The following PTPN4 variants were observed in gnomAD, a reference collection of about 807,000 sequenced individuals.
PTPN4 encodes the protein tyrosine-protein phosphatase non-receptor type 4.
In PTPN4, 49 loss-of-function variants were observed where a neutral mutation model predicts 135.5. That is an observed-to-expected ratio of 0.36 (90% CI 0.29 to 0.46). The LOEUF (loss-of-function observed/expected upper bound fraction) is 0.46. Among genes scored for constraint, PTPN4 ranks in the 20% least tolerant of loss-of-function variants. The probability of loss-of-function intolerance (pLI) is 1.00; values close to 1 mark genes in which losing one functional copy is unlikely to be tolerated. For missense variants in PTPN4, 860 were observed against 1,101.0 expected (o/e 0.78, Z 3.10); for synonymous variants, 333 against 369.9 (o/e 0.90, Z 1.14).
chr2:119,976,856 C>A (rs1679625083), intron 26 of PTPN4, 128 bp from the exon 27 acceptor site: 1 of 1,454,466 alleles, frequency 6.9e-7, no homozygotes, highest in Non-Finnish European at 9.1e-7. Flanking sequence ...AAAATGGTAT[C>A]TTTATGCAGT....
chr2:119,965,783 C>A (rs2105061796), intron 25 of PTPN4, 138 bp downstream of exon 25: 1 of 984,354 alleles, frequency 1.0e-6, no homozygotes, highest in Non-Finnish European at 1.5e-6. Context: ...AGGTAGGAGG[C>A]AAAGGATATG....
chr2:119,885,685 G>A, intron 8 of PTPN4, 110 bp from the exon 9 acceptor site: 1 of 692,992 alleles, frequency 1.4e-6, no homozygotes. Context: ...GTGTTTCATA[G>A]ATTTAATTAG....
intron 26 of PTPN4, among the ~76,000 whole-genome samples, chr2:119,968,841 A>T (rs1313283613): frequency 2.0e-5 from 3 of 152,196 alleles, no homozygotes; most frequent in Non-Finnish European, 2.9e-5. Context: ...AAATTAAGTT[A>T]CTTTTTAGTG....
intron 26 of PTPN4, among the ~76,000 whole-genome samples, chr2:119,968,303 A>T (rs969699090): frequency 1.1e-4 from 17 of 152,158 alleles, no homozygotes; most frequent in African/African-American, 3.9e-4. Context: ...TTACAGAAAA[A>T]GTTTTGCTAA....
In PTPN4 at chr2:119,787,062, C is replaced by T. The variant is rs141469147; in HGVS notation, c.-17-22775C>T. On this transcript the variant is annotated intron_variant, in intron 1 of 26. Coordinates refer to ENST00000263708, the MANE Select transcript of PTPN4 (RefSeq NM_002830.4). Reference sequence around the variant, plus strand: ...GATAACAAAAGGCTAATAGGAAACTCGTGAATGGGTGTGTAGGTGTGTGTG... The same window carrying T: ...GATAACAAAAGGCTAATAGGAAACTTGTGAATGGGTGTGTAGGTGTGTGTG... Among the ~76,000 whole-genome samples, 4 of 152,206 alleles carry T rather than the reference C, an allele frequency of 2.6e-5. No homozygotes were observed. In the East Asian group the frequency reaches 5.8e-4, roughly 22 times the overall value.
At chr2:119,931,319 TA>T (rs932130961) in intron 13 of PTPN4, among the ~76,000 whole-genome samples, 20 of 152,090 alleles carry the variant, frequency 1.3e-4, no homozygotes, top group African/African-American at 4.3e-4. Context: ...AATTTGCATA[TA>T]AAAAATACTT....
chr2:119,808,344 A>G (rs1691518994), intron 1 of PTPN4, among the ~76,000 whole-genome samples: 1 of 152,208 alleles, frequency 6.6e-6, no homozygotes, highest in Non-Finnish European at 1.5e-5. Flanking sequence ...TCTCAGCCCA[A>G]AATCTCCTTA....
chr2:119,797,407 C>T (rs775163326), intron 1 of PTPN4, among the ~76,000 whole-genome samples: 50 of 152,154 alleles, frequency 3.3e-4, no homozygotes, highest in African/African-American at 1.1e-3. Flanking sequence ...TAGATATACT[C>T]CCCTATGGTG....
intron 1 of PTPN4, among the ~76,000 whole-genome samples, chr2:119,794,557 G>C (rs1007526591): frequency 6.6e-6 from 1 of 152,224 alleles, no homozygotes; most frequent in East Asian, 1.9e-4. Context: ...CAGCTTCCAC[G>C]GCTGACGCTG....
At chr2:119,921,066 A>C (rs1200456851) in intron 12 of PTPN4, among the ~76,000 whole-genome samples, 2 of 152,156 alleles carry the variant, frequency 1.3e-5, no homozygotes, top group Non-Finnish European at 2.9e-5. Flanking sequence ...GGATCACCAG[A>C]GGTCAGGAGT....
chr2:119,927,800 T>C (rs1425960541), intron 13 of PTPN4, among the ~76,000 whole-genome samples: 1 of 152,240 alleles, frequency 6.6e-6, no homozygotes, highest in African/African-American at 2.4e-5. Context: ...AAGTTTGCTT[T>C]TGATTTCACT....
chr2:119,833,444 C>T (rs1677247832), intron 2 of PTPN4, among the ~76,000 whole-genome samples: 1 of 151,862 alleles, frequency 6.6e-6, no homozygotes, highest in Non-Finnish European at 1.5e-5. Context: ...AGAGCAAATC[C>T]TTTTGTATCT....
chr2:119,882,365 G>T, intron 7 of PTPN4, 138 bp from the exon 8 acceptor site: 1 of 1,033,184 alleles, frequency 9.7e-7, no homozygotes, highest in African/African-American at 1.6e-5. Flanking sequence ...TAAATGGATT[G>T]CTGTGGCTTG....
intron 26 of PTPN4, among the ~76,000 whole-genome samples, chr2:119,970,939 A>G (rs939301245): frequency 1.3e-5 from 2 of 152,126 alleles, no homozygotes; most frequent in African/African-American, 2.4e-5. Flanking sequence ...TTTTCTTCAC[A>G]TCATCATCAA....
chr2:119,960,402 A>G (rs544426520), intron 22 of PTPN4, among the ~76,000 whole-genome samples: 3 of 152,342 alleles, frequency 2.0e-5, no homozygotes, highest in South Asian at 4.1e-4. Context: ...AATTTTACCA[A>G]TAAACTATTT....
chr2:119,950,170 G>A (rs1483951581), intron 18 of PTPN4, among the ~76,000 whole-genome samples: 2 of 152,056 alleles, frequency 1.3e-5, no homozygotes, highest in African/African-American at 4.8e-5. Context: ...AGCTCTGTCT[G>A]CTATAGCCCA....
In PTPN4 at chr2:119,983,369, G is replaced by A. The variant is rs1574432544; in HGVS notation, c.*6299G>A. 4 of 152,250 alleles carry A rather than the reference G, an allele frequency of 2.6e-5. No individual in the cohort carries two copies. The South Asian group carries it at 8.3e-4, about 32-fold the overall frequency. The allele number at this position is 152,250 out of a possible 1,614,324, so 9.4% of individuals were successfully genotyped here. On this transcript the variant is annotated 3_prime_UTR_variant, in exon 27 of 27. Coordinates refer to ENST00000263708, the MANE Select transcript of PTPN4 (RefSeq NM_002830.4). ...GTACTTCCCCACTGTCATCACAGTT[G>A]AGCTCATTTTAACATATATTCAAAG...
At chr2:119,810,564 A>C (rs1037639708) in intron 2 of PTPN4, among the ~76,000 whole-genome samples, 1 of 152,002 alleles carries the variant, frequency 6.6e-6, no homozygotes, top group Non-Finnish European at 1.5e-5. Context: ...TTATCCTTTC[A>C]TTTACCATTT....
chr2:119,852,295 C>T (rs1204550216), intron 2 of PTPN4, among the ~76,000 whole-genome samples: 3 of 152,186 alleles, frequency 2.0e-5, no homozygotes, highest in East Asian at 1.9e-4. Flanking sequence ...TTAGGTTGTG[C>T]GGTCTGACCC....
Sources: gnomAD v4.1 joint callset for allele counts (sites outside exome capture counted in the v4.1 genomes callset) on GRCh38, gnomAD v4.1.1 for gene constraint, MANE v1.5 for transcripts, NCBI Gene and HGNC (gene_info 2026-07-23, HGNC 2026-07-21) for gene names.